GRM3: variants seen among roughly 807,000 people sequenced by gnomAD.
GRM3 encodes metabotropic glutamate receptor 3.
Under a neutral mutation model 70.5 loss-of-function variants are expected in GRM3, and 26 were observed. The ratio of observed to expected loss-of-function variants is 0.37; its 90% CI spans 0.27 to 0.51. The LOEUF (loss-of-function observed/expected upper bound fraction) is 0.51, where lower values mean the gene tolerates loss of function less well. GRM3 is among the 20% of genes least tolerant of loss of function. The probability of loss-of-function intolerance (pLI) is 0.93; values close to 1 mark genes in which losing one functional copy is unlikely to be tolerated. For missense variants in GRM3, 859 were observed against 1,123.8 expected, an observed-to-expected ratio of 0.76 and a Z score of 3.37; for synonymous variants, 443 against 434.9, an observed-to-expected ratio of 1.02 and a Z score of -0.23.
At chr7:86,672,943 A>G (rs1794209318) in intron 1 of GRM3, among the ~76,000 whole-genome samples, 1 of 152,186 alleles carries the variant, frequency 6.6e-6, no homozygotes, top group Non-Finnish European at 1.5e-5. Flanking sequence ...AGTATCTTTT[A>G]GATCAATATT....
At chr7:86,782,638 T>G (rs1032539068) in intron 2 of GRM3, among the ~76,000 whole-genome samples, 3 of 152,228 alleles carry the variant, frequency 2.0e-5, no homozygotes, top group Non-Finnish European at 4.4e-5. Context: ...CAATCTTCTA[T>G]GTTGTATATG....
chr7:86,725,498 T>C (rs1795570920), intron 1 of GRM3, among the ~76,000 whole-genome samples: 1 of 152,100 alleles, frequency 6.6e-6, no homozygotes, highest in Non-Finnish European at 1.5e-5. Flanking sequence ...AAAGGCCACA[T>C]AGCATCACCC....
rs56763064 is a variant in GRM3, at chr7:86,765,277, G to A, written c.132G>A (p.Leu44=). 7,641 of 1,613,730 alleles carry A rather than the reference G, an allele frequency of 4.7e-3. 270 individuals are homozygous for A. In the African/African-American group the frequency reaches 0.08, roughly 17 times the overall value. ...KIEGDLVLGG[L]FPINEKGTGT... is the part of the protein sequence containing the mutation. ...AAGGTGACCTTGTTTTAGGGGGCCTGTTTCCTATTAACGAAAAAGGCACTG... is the reference window on the plus strand; with the variant it reads ...AAGGTGACCTTGTTTTAGGGGGCCTATTTCCTATTAACGAAAAAGGCACTG... The change falls in exon 2 of 6, where the codon CTG becomes CTA. Residue 44 remains leucine (L), a synonymous_variant. Coordinates refer to ENST00000361669, the MANE Select transcript of GRM3 (RefSeq NM_000840.3).
chr7:86,778,990 C>A (rs970471504), intron 2 of GRM3, among the ~76,000 whole-genome samples: 1 of 152,078 alleles, frequency 6.6e-6, no homozygotes, highest in African/African-American at 2.4e-5. Flanking sequence ...TGGATACACA[C>A]ACACACTCAT....
chr7:86,767,542 T>C (rs1189998329), intron 2 of GRM3, among the ~76,000 whole-genome samples: 2 of 129,390 alleles, frequency 1.5e-5, no homozygotes, highest in Non-Finnish European at 3.2e-5. Context: ...TATATATATA[T>C]ATATATATAT....
chr7:86,761,441 G>A (rs2116400235), intron 1 of GRM3, among the ~76,000 whole-genome samples: 1 of 152,166 alleles, frequency 6.6e-6, no homozygotes, highest in East Asian at 1.9e-4. Context: ...CTACCTGTTG[G>A]TGACCCTACC....
In GRM3 at chr7:86,747,346, A is replaced by C. The variant is rs369255233; in HGVS notation, c.-140-17660A>C. On this transcript the variant is annotated intron_variant, in intron 1 of 5. Transcript: ENST00000361669. ...ACCTTCAGGGTAAAAGGGATTTCAAAGCCATTATTTTCAGAGAAAATTGAT... is the reference window on the plus strand; with the variant it reads ...ACCTTCAGGGTAAAAGGGATTTCAACGCCATTATTTTCAGAGAAAATTGAT... Among the ~76,000 whole-genome samples the C allele has an allele frequency of 1.8e-4, 27 of 152,252 alleles. 1 individual carries two copies. The East Asian group carries it at 4.8e-3, about 27-fold the overall frequency.
At chr7:86,744,198 C>T (rs770687162) in intron 1 of GRM3, among the ~76,000 whole-genome samples, 2 of 151,952 alleles carry the variant, frequency 1.3e-5, no homozygotes, top group Non-Finnish European at 2.9e-5. Flanking sequence ...TGGGAGGATA[C>T]TTATGACAGA....
In GRM3 at chr7:86,726,844, T is replaced by C. The variant is rs574853245; in HGVS notation, c.-140-38162T>C. On this transcript the variant is annotated intron_variant, in intron 1 of 5. Coordinates refer to ENST00000361669, the MANE Select transcript of GRM3 (RefSeq NM_000840.3). ...CTATTCTTAACAGAACTGGTCAATC[T>C]CCGTCATTCAAGAGTGATAACTATC... is the stretch of plus-strand genomic sequence containing the variant. 2.0e-4 allele frequency among the ~76,000 whole-genome samples: 30 copies of C among 152,264 alleles called. 1 individual carries two copies. Among genetic ancestry groups the C allele is most frequent in the African/African-American group, 7.2e-4 (30 of 41,552 alleles).
At chr7:86,751,749 T>C (rs1796237249) in intron 1 of GRM3, among the ~76,000 whole-genome samples, 1 of 152,088 alleles carries the variant, frequency 6.6e-6, no homozygotes, top group Non-Finnish European at 1.5e-5. Flanking sequence ...ACAAAGTGAC[T>C]GGCTTGCTAT....
chr7:86,666,651 T>A (rs1025646698), intron 1 of GRM3, among the ~76,000 whole-genome samples: 1 of 152,096 alleles, frequency 6.6e-6, no homozygotes, highest in African/African-American at 2.4e-5. Context: ...TTTTTTCTAA[T>A]GAATTCTAGG....
intron 3 of GRM3, among the ~76,000 whole-genome samples, chr7:86,792,049 A>C (rs1797432466): frequency 6.6e-6 from 1 of 152,248 alleles, no homozygotes; most frequent in Non-Finnish European, 1.5e-5. Flanking sequence ...ATGTAAAAGA[A>C]AGCTTAAACT....
intron 1 of GRM3, among the ~76,000 whole-genome samples, chr7:86,661,129 G>C (rs1793882185): frequency 6.6e-6 from 1 of 151,942 alleles, no homozygotes; most frequent in African/African-American, 2.4e-5. Flanking sequence ...AGGAGAATGG[G>C]CTTCCTTGGC....
At position 86,855,520 on chromosome 7, in the gene GRM3, C is replaced by T. The variant is rs184464372; in HGVS notation, c.2566+4976C>T. On this transcript the variant is annotated intron_variant, in intron 5 of 5. Coordinates refer to ENST00000361669, the MANE Select transcript of GRM3 (RefSeq NM_000840.3). ...ACCCAATGATGCCCAGATTTTGGTC[C>T]CCAAGGAGCTGTAGGCATATGGAGA... 2.6e-5 allele frequency among the ~76,000 whole-genome samples: 4 copies of T among 152,118 alleles called. No homozygotes were observed. The East Asian group carries it at 7.7e-4, about 29-fold the overall frequency.
intron 3 of GRM3, among the ~76,000 whole-genome samples, chr7:86,810,660 A>G (rs1262970670): frequency 1.3e-5 from 2 of 152,002 alleles, no homozygotes; most frequent in Non-Finnish European, 2.9e-5. Flanking sequence ...CAAGTATTGC[A>G]ATATAAATAA....
At chr7:86,844,210 T>C (rs917980041) in intron 4 of GRM3, among the ~76,000 whole-genome samples, 1 of 152,302 alleles carries the variant, frequency 6.6e-6, no homozygotes, top group African/African-American at 2.4e-5. Flanking sequence ...ATATCTCAAA[T>C]TCTTTAAAAA....
At chr7:86,810,344 A>G (rs1431322911) in intron 3 of GRM3, among the ~76,000 whole-genome samples, 3 of 152,036 alleles carry the variant, frequency 2.0e-5, no homozygotes, top group Admixed American at 6.6e-5. Flanking sequence ...TTTAAGAATA[A>G]CATGGATATG....
chr7:86,703,715 A>G lies in GRM3; in HGVS notation c.-141+58843A>G, dbSNP rs114327799. On this transcript the variant is annotated intron_variant, in intron 1 of 5. Coordinates refer to ENST00000361669, the MANE Select transcript of GRM3 (RefSeq NM_000840.3). ...CTCAGCGAAGTGGAATGATTCATCAAAAAAGAAATGGAAAGTTGACGGCAC... is the reference window on the plus strand; with the variant it reads ...CTCAGCGAAGTGGAATGATTCATCAGAAAAGAAATGGAAAGTTGACGGCAC... Among the ~76,000 whole-genome samples the G allele has an allele frequency of 9.0e-3, 1,374 of 152,064 alleles. 15 individuals are homozygous for G. Among genetic ancestry groups the G allele is most frequent in the African/African-American group, 0.032 (1,309 of 41,544 alleles).
chr7:86,856,160 G>A (rs778061097), intron 5 of GRM3, among the ~76,000 whole-genome samples: 3 of 152,052 alleles, frequency 2.0e-5, no homozygotes, highest in Non-Finnish European at 4.4e-5. Context: ...TCACAGAAAA[G>A]AGGCCAGTCA....
Sources: allele counts gnomAD v4.1 joint callset (sites outside exome capture counted in the v4.1 genomes callset), GRCh38; gene constraint gnomAD v4.1.1; transcripts MANE v1.5; gene names NCBI Gene and HGNC (gene_info 2026-07-23, HGNC 2026-07-21).